Variants in MGAT4C observed in about 807,000 individuals in gnomAD.
MGAT4C encodes the protein alpha-1,3-mannosyl-glycoprotein 4-beta-N-acetylglucosaminyltransferase C.
In MGAT4C, 19 loss-of-function variants were observed where a neutral mutation model predicts 40.1. The observed-to-expected ratio is 0.47, with a 90% CI of 0.33 to 0.70. The LOEUF (loss-of-function observed/expected upper bound fraction) is 0.70, where lower values mean the gene tolerates loss of function less well. Ranked by LOEUF, MGAT4C falls within the 30% of genes least tolerant of loss-of-function variation. The probability of loss-of-function intolerance (pLI) is 0.02; values close to 1 mark genes in which losing one functional copy is unlikely to be tolerated. For missense variants in MGAT4C, 491 were observed against 563.2 expected, an observed-to-expected ratio of 0.87 and a Z score of 1.30; for synonymous variants, 181 against 187.1, an observed-to-expected ratio of 0.97 and a Z score of 0.27.
chr12:86,184,096 T>G (rs751768834), intron 1 of MGAT4C, among the ~76,000 whole-genome samples: 34 of 152,344 alleles, frequency 2.2e-4, no homozygotes, highest in Non-Finnish European at 4.3e-4. Flanking sequence ...TAATCACTAA[T>G]CAATTTTTAT....
At chr12:86,613,290 T>C (rs1962344755) in intron 2 of MGAT4C, among the ~76,000 whole-genome samples, 1 of 152,212 alleles carries the variant, frequency 6.6e-6, no homozygotes, top group Non-Finnish European at 1.5e-5. Context: ...GAATTTTCTC[T>C]ATATAGGTTC....
In MGAT4C at chr12:86,421,649, G is replaced by A. The variant is rs117467295; in HGVS notation, c.-120+13508C>T. ...AAGTTTGCCAGGCATGGTGGCAGGC[G>A]CTTATTATCCAAGTCACTCAGGGAG... On this transcript the variant is annotated intron_variant, in intron 3 of 7. Coordinates refer to the MGAT4C transcript ENST00000548651. Among the ~76,000 whole-genome samples the A allele has an allele frequency of 5.5e-3, 834 of 152,056 alleles. 8 individuals carry two copies. The highest frequency in any genetic ancestry group is 9.0e-3 in the Non-Finnish European group (613 of 67,970).
chr12:86,654,689 T>C (rs887671867), intron 2 of MGAT4C, among the ~76,000 whole-genome samples: 12 of 151,248 alleles, frequency 7.9e-5, no homozygotes, highest in African/African-American at 2.4e-4. Flanking sequence ...CATAGTTATA[T>C]GATTTAGGGC....
At chr12:86,038,391 G>T (rs1891452709) in intron 2 of MGAT4C, among the ~76,000 whole-genome samples, 2 of 149,408 alleles carry the variant, frequency 1.3e-5, no homozygotes, top group African/African-American at 4.9e-5. Flanking sequence ...CTCTTTGTAG[G>T]TCTCTAAGAA....
At chr12:86,369,912 T>G (rs1955684297) in intron 3 of MGAT4C, among the ~76,000 whole-genome samples, 1 of 152,046 alleles carries the variant, frequency 6.6e-6, no homozygotes, top group Non-Finnish European at 1.5e-5. Context: ...TCCAGCTGAC[T>G]AGATTGTGAT....
intron 2 of MGAT4C, among the ~76,000 whole-genome samples, chr12:86,696,260 T>A (rs1950257018): frequency 6.6e-6 from 1 of 151,836 alleles, no homozygotes; most frequent in South Asian, 2.1e-4. Context: ...AAAGAATAAA[T>A]ACCTGAGGTA....
intron 2 of MGAT4C, among the ~76,000 whole-genome samples, chr12:86,623,676 TG>T (rs1962710891): frequency 6.6e-6 from 1 of 152,164 alleles, no homozygotes; most frequent in Non-Finnish European, 1.5e-5. Flanking sequence ...TCTGAAAATT[TG>T]TTTGTCCATA....
chr12:86,391,761 G>T (rs1956164541), intron 3 of MGAT4C, among the ~76,000 whole-genome samples: 1 of 152,116 alleles, frequency 6.6e-6, no homozygotes, highest in African/African-American at 2.4e-5. Flanking sequence ...TCAGGAGGCT[G>T]AGGCAGGAGA....
At chr12:86,122,065 C>G (rs959076998) in intron 1 of MGAT4C, among the ~76,000 whole-genome samples, 1 of 152,108 alleles carries the variant, frequency 6.6e-6, no homozygotes, top group Non-Finnish European at 1.5e-5. Flanking sequence ...TGAAAAATAA[C>G]TATAGTCATC....
chr12:86,097,975 T>G (rs1490795398), intron 1 of MGAT4C, among the ~76,000 whole-genome samples: 1 of 151,640 alleles, frequency 6.6e-6, no homozygotes, highest in African/African-American at 2.4e-5. Flanking sequence ...ACCTGTCATT[T>G]GACACTCATC....
intron 3 of MGAT4C, among the ~76,000 whole-genome samples, chr12:86,418,325 G>A (rs1268971196): frequency 6.6e-6 from 1 of 152,062 alleles, no homozygotes; most frequent in East Asian, 1.9e-4. Flanking sequence ...AATAGGGGCT[G>A]GGCACAGTGG....
At chr12:86,381,671 C>T (rs1565719670) in intron 3 of MGAT4C, among the ~76,000 whole-genome samples, 1 of 152,164 alleles carries the variant, frequency 6.6e-6, no homozygotes, top group Non-Finnish European at 1.5e-5. Flanking sequence ...TCCAATCAAA[C>T]TGACACATAA....
At chr12:86,647,509 G>A (rs1593076904) in intron 2 of MGAT4C, among the ~76,000 whole-genome samples, 1 of 151,944 alleles carries the variant, frequency 6.6e-6, no homozygotes, top group East Asian at 1.9e-4. Context: ...TCTGCACTCT[G>A]TCATTATATA....
intron 1 of MGAT4C, among the ~76,000 whole-genome samples, chr12:86,102,697 A>AT (rs1245375358): frequency 2.0e-5 from 3 of 152,132 alleles, no homozygotes; most frequent in Non-Finnish European, 4.4e-5. Flanking sequence ...GGGGTGAAAG[A>AT]TATCATTCTA....
chr12:86,073,720 C>T (rs775226499), intron 1 of MGAT4C, among the ~76,000 whole-genome samples: 2 of 152,086 alleles, frequency 1.3e-5, no homozygotes, highest in Non-Finnish European at 2.9e-5. Context: ...GGAACAGCTG[C>T]ATTTACCCAA....
rs528707063 is a variant in MGAT4C at position 86,819,746 on chromosome 12, A to G, written c.-262+18920T>C. On this transcript the variant is annotated intron_variant, in intron 1 of 7. Transcript: ENST00000548651. ...TTGCAGGACTAACTTAGAGTTAATT[A>G]GAATATCTTCAACAGTTTGCTCTAA... 2.0e-5 allele frequency among the ~76,000 whole-genome samples: 3 copies of G among 150,934 alleles called. No individual in the cohort carries two copies. In the East Asian group the frequency reaches 5.8e-4, roughly 29 times the overall value.
intron 1 of MGAT4C, among the ~76,000 whole-genome samples, chr12:86,052,708 A>G (rs1893006797): frequency 6.6e-6 from 1 of 151,932 alleles, no homozygotes; most frequent in Non-Finnish European, 1.5e-5. Context: ...TAAATCATGT[A>G]TTATTTTCCC....
At chr12:86,580,468 G>A (rs1960737113) in intron 2 of MGAT4C, among the ~76,000 whole-genome samples, 1 of 151,340 alleles carries the variant, frequency 6.6e-6, no homozygotes, top group African/African-American at 2.4e-5. Flanking sequence ...ACCAATGAAT[G>A]AAATAATAAT....
chr12:86,457,518 C>A (rs1957528827), intron 2 of MGAT4C, among the ~76,000 whole-genome samples: 1 of 152,008 alleles, frequency 6.6e-6, no homozygotes, highest in African/African-American at 2.4e-5. Flanking sequence ...AATGTTATTT[C>A]TGGTTTACTG....
Sources: allele counts gnomAD v4.1 joint callset (sites outside exome capture counted in the v4.1 genomes callset), GRCh38; gene constraint gnomAD v4.1.1; transcripts MANE v1.5; gene names NCBI Gene and HGNC (gene_info 2026-07-23, HGNC 2026-07-21).